Variants in NFIB observed in about 807,000 individuals in gnomAD.
NFIB encodes nuclear factor 1 B-type.
NFIB carries 11 observed loss-of-function variants against 61.5 expected under a neutral mutation model. That is an observed-to-expected ratio of 0.18 (90% confidence interval 0.11 to 0.30). The LOEUF (loss-of-function observed/expected upper bound fraction) is 0.30, where lower values mean the gene tolerates loss of function less well. Ranked by LOEUF, NFIB falls within the 10% of genes least tolerant of loss-of-function variation. The probability of loss-of-function intolerance (pLI) is 1.00; values close to 1 mark genes in which losing one functional copy is unlikely to be tolerated. For synonymous variants in NFIB, 260 were observed against 216.5 expected (o/e 1.20, Z -1.76); for missense variants, 471 against 608.9 (o/e 0.77, Z 2.38).
intron 2 of NFIB, among the ~76,000 whole-genome samples, chr9:14,181,078 G>A (rs1563872392): frequency 6.6e-6 from 1 of 152,126 alleles, no homozygotes; most frequent in Non-Finnish European, 1.5e-5. Flanking sequence ...CCAGGTAAGT[G>A]ATTAACATAC....
chr9:14,445,235 T>A, the NFIB span, among the ~76,000 whole-genome samples: 1 of 152,310 alleles, frequency 6.6e-6, no homozygotes, highest in South Asian at 2.1e-4. Flanking sequence ...TTTGGGGGTT[T>A]TCTATTTTGA....
intron 10 of NFIB, among the ~76,000 whole-genome samples, chr9:14,092,188 A>G (rs1372525211): frequency 6.6e-6 from 1 of 152,102 alleles, no homozygotes; most frequent in African/African-American, 2.4e-5. Context: ...AAATTATGTC[A>G]TTGCAGAACA....
At chr9:14,155,506 T>C (rs567660902) in intron 4 of NFIB, among the ~76,000 whole-genome samples, 2 of 152,218 alleles carry the variant, frequency 1.3e-5, no homozygotes, top group East Asian at 3.9e-4. Flanking sequence ...CAACATAGAG[T>C]ACATTTAATT....
chr9:14,259,789 C>T (rs570371397), intron 2 of NFIB, among the ~76,000 whole-genome samples: 1 of 152,204 alleles, frequency 6.6e-6, no homozygotes, highest in Admixed American at 6.5e-5. Context: ...CTTGTAATCC[C>T]AGCCACTCAG....
chr9:14,112,924 A>G, intron 10 of NFIB, 75 bp downstream of exon 10: 3 of 1,419,632 alleles, frequency 2.1e-6, no homozygotes, highest in Non-Finnish European at 2.9e-6. Flanking sequence ...CTGAGTCCGG[A>G]TCTGAGAGGC....
intron 1 of NFIB, among the ~76,000 whole-genome samples, chr9:14,396,749 T>C (rs16931703): frequency 0.038 from 5,818 of 152,208 alleles, 344 homozygotes; most frequent in African/African-American, 0.13. Context: ...AGATGTTCAT[T>C]AAAAGTTAAC....
chr9:14,513,938 T>C, the NFIB span, among the ~76,000 whole-genome samples: 1 of 152,252 alleles, frequency 6.6e-6, no homozygotes, highest in Non-Finnish European at 1.5e-5. Context: ...TACTAAATAC[T>C]GAACAATGCC....
At chr9:14,397,660 C>T (rs2061700490) in intron 1 of NFIB, among the ~76,000 whole-genome samples, 1 of 152,136 alleles carries the variant, frequency 6.6e-6, no homozygotes. Context: ...ACTTTGTAAC[C>T]ATATTCTCTT....
At chr9:14,462,821 A>G in the NFIB span, among the ~76,000 whole-genome samples, 1 of 152,246 alleles carries the variant, frequency 6.6e-6, no homozygotes, top group African/African-American at 2.4e-5. Context: ...ATTCTAGCAC[A>G]AGGCCATAGC....
chr9:14,529,910 T>G, the NFIB span, among the ~76,000 whole-genome samples: 47 of 152,312 alleles, frequency 3.1e-4, no homozygotes, highest in South Asian at 9.1e-3. Flanking sequence ...AACAATCAGC[T>G]TATGCAAATC....
At chr9:14,297,958 T>C (rs551279695) in intron 2 of NFIB, among the ~76,000 whole-genome samples, 123 of 152,228 alleles carry the variant, frequency 8.1e-4, no homozygotes, top group African/African-American at 2.0e-3. Context: ...TTTTTGCACA[T>C]GAGGTTTTCA....
At chr9:14,112,937 C>G in intron 10 of NFIB, 62 bp downstream of exon 10, 1 of 1,490,352 alleles carries the variant, frequency 6.7e-7, no homozygotes, top group Non-Finnish European at 9.1e-7. Context: ...TGAGAGGCAA[C>G]ATGGAGAAGC....
At chr9:14,359,746 A>T (rs1282882865) in intron 1 of NFIB, among the ~76,000 whole-genome samples, 1 of 152,156 alleles carries the variant, frequency 6.6e-6, no homozygotes, top group Non-Finnish European at 1.5e-5. Context: ...TGGTAAAACA[A>T]ACACTCTCCT....
Position 14,231,135 on chromosome 9 carries a change from A to AAATATAT in NFIB, c.563-51356_563-51355insATATATT, listed in dbSNP as rs55959148. On this transcript the variant is annotated intron_variant, in intron 2 of 10. Coordinates refer to ENST00000380953, the MANE Select transcript of NFIB (RefSeq NM_001190737.2). ...TTTCCATGGGGAAAAAAAAAAAAAA[A>AAATATAT]ATATATATATATATATATATATATA... Among the ~76,000 whole-genome samples the AAATATAT allele has an allele frequency of 3.0e-3, 107 of 35,344 alleles. 1 individual carries two copies. Among genetic ancestry groups the AAATATAT allele is most frequent in the African/African-American group, 4.9e-3 (49 of 9,912 alleles). The allele number at this position is 35,344 out of a possible 152,430, so 23.2% of individuals were successfully genotyped here. A position where few individuals can be genotyped will look rare whatever the true frequency, so the allele number is the denominator to read the frequency against.
At position 14,082,732 on chromosome 9, in the gene NFIB, A is replaced by G. The variant is rs1156485529; in HGVS notation, c.*5577T>C. 2 of 194,606 alleles carry G rather than the reference A, an allele frequency of 1.0e-5. No homozygotes were observed. Among genetic ancestry groups the G allele is most frequent in the Admixed American group, 1.2e-4 (2 of 16,124 alleles). 12.1% of individuals were successfully genotyped at this position (194,606 alleles called of 1,614,324 possible). A position where few individuals can be genotyped will look rare whatever the true frequency, so the allele number is the denominator to read the frequency against. On this transcript the variant is annotated 3_prime_UTR_variant, in exon 11 of 11. Transcript: ENST00000380953. ...ACTTTTATCAGTCCATGCAACTTCA[A>G]TGCCCTCGATGAAGGATGCATAAAA...
At chr9:14,314,740 C>T (rs542436534), upstream of NFIB, among the ~76,000 whole-genome samples, 5 of 146,000 alleles carry the variant, frequency 3.4e-5, no homozygotes, top group East Asian at 4.1e-4. Flanking sequence ...TCTCTCCCCC[C>T]ACCTCTCCCT....
intron 2 of NFIB, among the ~76,000 whole-genome samples, chr9:14,241,448 C>T (rs530863544): frequency 2.0e-5 from 3 of 152,064 alleles, no homozygotes; most frequent in Non-Finnish European, 4.4e-5. Flanking sequence ...TCCTAGGGCA[C>T]GTAAGAATTG....
At chr9:14,165,001 GA>G (rs1030475052) in intron 3 of NFIB, among the ~76,000 whole-genome samples, 2 of 152,134 alleles carry the variant, frequency 1.3e-5, no homozygotes, top group South Asian at 2.1e-4. Context: ...TATTAGAAGT[GA>G]AGAAGAATAG....
At chr9:14,529,760 T>C in the NFIB span, among the ~76,000 whole-genome samples, 1 of 152,218 alleles carries the variant, frequency 6.6e-6, no homozygotes, top group Non-Finnish European at 1.5e-5. Context: ...GAAACTTACG[T>C]ACTCTTCATG....
Sources: gnomAD v4.1 joint callset for allele counts (sites outside exome capture counted in the v4.1 genomes callset) on GRCh38, gnomAD v4.1.1 for gene constraint, MANE v1.5 for transcripts, NCBI Gene and HGNC (gene_info 2026-07-23, HGNC 2026-07-21) for gene names.